Variants in PIWIL1 observed in about 807,000 individuals in gnomAD.
PIWIL1 encodes piwi-like protein 1.
PIWIL1 carries 73 observed loss-of-function variants against 114.4 expected under a neutral mutation model. The observed-to-expected ratio is 0.64, with a 90% CI of 0.53 to 0.78. The LOEUF (loss-of-function observed/expected upper bound fraction) is 0.78, where lower values mean the gene tolerates loss of function less well. Ranked by LOEUF, PIWIL1 falls within the 30% of genes least tolerant of loss-of-function variation. PIWIL1 has a pLI of 0.00. For missense variants in PIWIL1, 723 were observed against 1,063.1 expected, an observed-to-expected ratio of 0.68 and a Z score of 4.45; for synonymous variants, 375 against 369.0, an observed-to-expected ratio of 1.02 and a Z score of -0.19.
chr12:130,367,929 C>G (rs980099778), intron 19 of PIWIL1, among the ~76,000 whole-genome samples: 1 of 152,172 alleles, frequency 6.6e-6, no homozygotes, highest in Non-Finnish European at 1.5e-5. Flanking sequence ...TCCTGAATAG[C>G]CGGAATTACA....
the PIWIL1 span, among the ~76,000 whole-genome samples, chr12:130,400,856 A>G: frequency 6.6e-6 from 1 of 152,234 alleles, no homozygotes; most frequent in Non-Finnish European, 1.5e-5. Flanking sequence ...ACGAATCTCC[A>G]GGGAAATGCA....
At chr12:130,425,120 TCCAG>T in the PIWIL1 span, 8 of 350,514 alleles carry the variant, frequency 2.3e-5, no homozygotes, top group Non-Finnish European at 3.1e-5. Flanking sequence ...GCGCCATGCA[TCCAG>T]CCAAGGAGAG....
chr12:130,416,384 C>G, the PIWIL1 span, among the ~76,000 whole-genome samples: 6 of 152,144 alleles, frequency 3.9e-5, no homozygotes, highest in Admixed American at 3.3e-4. Flanking sequence ...GACACACAGA[C>G]TAATGGAACA....
the PIWIL1 span, among the ~76,000 whole-genome samples, chr12:130,390,343 T>G: frequency 1.3e-5 from 2 of 152,166 alleles, no homozygotes; most frequent in Non-Finnish European, 2.9e-5. Flanking sequence ...AGATGATGTT[T>G]GTGAGGTTGT....
the PIWIL1 span, chr12:130,399,553 G>T: frequency 8.9e-7 from 1 of 1,120,046 alleles, no homozygotes; most frequent in Non-Finnish European, 1.3e-6. Flanking sequence ...TCAGGGCAGA[G>T]AAAAAAAATT....
intron 1 of PIWIL1, among the ~76,000 whole-genome samples, chr12:130,339,105 C>T (rs1434461280): frequency 2.0e-5 from 3 of 152,070 alleles, no homozygotes; most frequent in South Asian, 2.1e-4. Context: ...CTGCGCTGCG[C>T]CCCCGGGAGC....
At chr12:130,387,684 C>G in the PIWIL1 span, among the ~76,000 whole-genome samples, 1 of 151,318 alleles carries the variant, frequency 6.6e-6, no homozygotes, top group Non-Finnish European at 1.5e-5. Context: ...CACACCACCC[C>G]CTTCCTGTCT....
chr12:130,412,664 G>A, the PIWIL1 span: 3 of 1,613,964 alleles, frequency 1.9e-6, no homozygotes, highest in Non-Finnish European at 2.5e-6. Flanking sequence ...CCCTGTCTAA[G>A]AAGCTGATCC....
intron 16 of PIWIL1, among the ~76,000 whole-genome samples, chr12:130,361,943 C>T (rs993698923): frequency 6.6e-6 from 1 of 152,102 alleles, no homozygotes; most frequent in East Asian, 1.9e-4. Flanking sequence ...TACCCAGTCA[C>T]TTGTATTTCA....
chr12:130,353,272 T>C (rs2073265754), intron 9 of PIWIL1, among the ~76,000 whole-genome samples: 1 of 137,884 alleles, frequency 7.3e-6, no homozygotes, highest in Non-Finnish European at 1.6e-5. Flanking sequence ...AGTGGAGGTG[T>C]GTGTGTGGTT....
chr12:130,409,403 C>T, the PIWIL1 span, among the ~76,000 whole-genome samples: 5 of 123,714 alleles, frequency 4.0e-5, no homozygotes, highest in South Asian at 2.7e-4. Context: ...AGTGCAGTGG[C>T]GCGATCCCGG....
At chr12:130,389,175 T>A in the PIWIL1 span, among the ~76,000 whole-genome samples, 1 of 152,170 alleles carries the variant, frequency 6.6e-6, no homozygotes, top group Admixed American at 6.5e-5. Flanking sequence ...TTCTTTTTTT[T>A]AAATATACCA....
At chr12:130,403,580 A>G in the PIWIL1 span, among the ~76,000 whole-genome samples, 1 of 152,356 alleles carries the variant, frequency 6.6e-6, no homozygotes, top group Non-Finnish European at 1.5e-5. Flanking sequence ...GTGCAACTGC[A>G]GTCTAAAAAG....
intron 13 of PIWIL1, 59 bp downstream of exon 13, chr12:130,357,164 G>A: frequency 7.3e-7 from 1 of 1,371,956 alleles, no homozygotes; most frequent in Non-Finnish European, 1.0e-6. Flanking sequence ...TGGAGGGGTG[G>A]GAACTATTAA....
chr12:130,408,094 A>C, the PIWIL1 span, among the ~76,000 whole-genome samples: 1 of 152,118 alleles, frequency 6.6e-6, no homozygotes, highest in Non-Finnish European at 1.5e-5. Flanking sequence ...CTGTCCATTA[A>C]ACCAGTGAGA....
the PIWIL1 span, among the ~76,000 whole-genome samples, chr12:130,402,883 G>A: frequency 5.3e-5 from 8 of 152,236 alleles, no homozygotes; most frequent in African/African-American, 1.9e-4. Flanking sequence ...ATACCGAGAT[G>A]CTGGGCTATA....
the PIWIL1 span, among the ~76,000 whole-genome samples, chr12:130,422,936 C>T: frequency 0.042 from 6,332 of 152,298 alleles, 160 homozygotes; most frequent in Non-Finnish European, 0.051. The surrounding 1 kb of genome is among the most constrained non-coding windows in gnomAD (Gnocchi z 5.2). Flanking sequence ...ACATGCCCCC[C>T]TCCCAGCTGT....
At chr12:130,424,368 C>T in the PIWIL1 span, 1 of 1,232,752 alleles carries the variant, frequency 8.1e-7, no homozygotes, top group Non-Finnish European at 1.0e-6. This position sits in a 1 kb window ranked among gnomAD's most constrained non-coding sequence, Gnocchi z 9.8. Context: ...CTCCACGCTG[C>T]TCTGCCGGGT....
chr12:130,409,765 G>A, the PIWIL1 span, among the ~76,000 whole-genome samples: 9 of 152,082 alleles, frequency 5.9e-5, no homozygotes, highest in African/African-American at 1.2e-4. Context: ...TGTGTGGGGC[G>A]CCTTCGTTCT....
Sources: gnomAD v4.1 joint callset for allele counts (sites outside exome capture counted in the v4.1 genomes callset) on GRCh38, gnomAD v4.1.1 for gene constraint, Gnocchi (gnomAD v3.1) non-coding constraint, MANE v1.5 for transcripts, NCBI Gene and HGNC (gene_info 2026-07-23, HGNC 2026-07-21) for gene names.